Variants in UTP20 observed in about 807,000 individuals in gnomAD.
UTP20 encodes the protein UTP20 small subunit processome component.
Under a neutral mutation model 329.5 loss-of-function variants are expected in UTP20, and 164 were observed. The observed-to-expected ratio is 0.50, with a 90% CI of 0.44 to 0.57. UTP20 has a LOEUF of 0.57. Ranked by LOEUF, UTP20 falls within the 20% of genes least tolerant of loss-of-function variation. The pLI, the probability that UTP20 is intolerant of heterozygous loss-of-function variation, is 0.00. For synonymous variants in UTP20, 1,151 were observed against 1,159.3 expected, an observed-to-expected ratio of 0.99 and a Z score of 0.14; for missense variants, 3,055 against 3,284.2, an observed-to-expected ratio of 0.93 and a Z score of 1.71.
In UTP20 at chr12:101,321,353, A is replaced by AT. The variant is rs993022381; in HGVS notation, c.2916-144dup. On this transcript the variant is annotated intron_variant, in intron 24 of 61. Coordinates refer to ENST00000261637, the MANE Select transcript of UTP20 (RefSeq NM_014503.3). The stretch of plus-strand genomic sequence containing the variant: ...ATGTACAAATCTGTCATTTTAGGAG[A>AT]TTTTTTTGAGGATTTTCCTTTATGG... 3.3e-4 allele frequency: 365 copies of AT among 1,122,672 alleles called. 1 individual carries two copies. Among genetic ancestry groups the AT allele is most frequent in the Middle Eastern group, 1.3e-3 (4 of 3,198 alleles). 69.5% of individuals were successfully genotyped at this position (1,122,672 alleles called of 1,614,324 possible). A position where few individuals can be genotyped will look rare whatever the true frequency, so the allele number is the denominator to read the frequency against.
rs551073388 is a variant in UTP20 at position 101,381,929 on chromosome 12, G to A, written c.7656+718G>A. Among the ~76,000 whole-genome samples the A allele has an allele frequency of 1.5e-4, 22 of 147,146 alleles. 1 individual carries two copies. The South Asian group carries it at 4.5e-3, about 30-fold the overall frequency. The stretch of plus-strand genomic sequence containing the variant: ...AGCTACACAGGAGGCTGAGGCAAGA[G>A]ACTCACTTGAACTGGGGAGGCAGAG... On this transcript the variant is annotated intron_variant, in intron 58 of 61. Transcript: ENST00000261637.
intron 30 of UTP20, 41 bp from the exon 31 acceptor site, chr12:101,338,772 G>A (rs763770311): frequency 1.3e-6 from 2 of 1,533,248 alleles, no homozygotes; most frequent in Non-Finnish European, 1.7e-6. Context: ...TATGCCTTAA[G>A]AGAGTTTATT....
Position 101,309,799 on chromosome 12 carries a change from A to T in UTP20, c.2191A>T (p.Asn731Tyr). 2.5e-6 allele frequency: 4 copies of T among 1,613,720 alleles called. No homozygotes were observed. The highest frequency in any genetic ancestry group is 3.4e-6 in the Non-Finnish European group (4 of 1,179,976). ...TTATTTGTTAGGCATGCTATATATT[A>T]ATTTCAGTGCACTCTGGGATCCTGT... is the stretch of plus-strand genomic sequence containing the variant. ...LRYLLGMLYI[N>Y]FSALWDPVIE... Residue 731 changes from asparagine to tyrosine, a missense_variant, in exon 19 of 62, where the codon AAT becomes TAT. Asn to Tyr is a moderately radical substitution (Grantham distance 143). Transcript: ENST00000261637.
intron 21 of UTP20, among the ~76,000 whole-genome samples, chr12:101,315,243 T>A (rs1872936231): frequency 6.6e-6 from 1 of 152,084 alleles, no homozygotes; most frequent in Non-Finnish European, 1.5e-5. Flanking sequence ...CCCAGCACTT[T>A]GGGGGGCCGA....
At position 101,302,466 on chromosome 12, in the gene UTP20, G is replaced by A. The variant is rs1198430173; in HGVS notation, c.1694G>A (p.Cys565Tyr). ...SFGKGNLFVL[C>Y]QAVNTLLSLE... The stretch of plus-strand genomic sequence containing the variant: ...CCCTTAGGAAACTTATTTGTTCTTT[G>A]TCAAGCTGTAAATACTCTACTAAGT... Residue 565 changes from cysteine to tyrosine, a missense_variant, in exon 15 of 62, where the codon TGT (cysteine) becomes TAT (tyrosine). By Grantham distance (194) the Cys-to-Tyr change is radical. Transcript: ENST00000261637. The A allele has an allele frequency of 5.6e-6, 9 of 1,606,286 alleles. No individual in the cohort carries two copies. The highest frequency in any genetic ancestry group is 7.6e-6 in the Non-Finnish European group (9 of 1,177,646).
chr12:101,342,796 G>C lies in UTP20; in HGVS notation c.4255G>C (p.Asp1419His), dbSNP rs746040572. Reference protein sequence around the residue: ...LLCTVFETLSDFESGLKYITD... With the variant: ...LLCTVFETLSHFESGLKYITD... ...TTTTCTTTCCTTTCAGACTCTTTCTGATTTTGAGAGTGGGTTAAAATATAT... is the reference window on the plus strand; with the variant it reads ...TTTTCTTTCCTTTCAGACTCTTTCTCATTTTGAGAGTGGGTTAAAATATAT... Residue 1419 changes from aspartate (D) to histidine (H), a missense_variant, in exon 34 of 62, where the codon GAT becomes CAT. Physicochemically the swap from Asp to His is moderately conservative, Grantham distance 81. Transcript: ENST00000261637. The C allele has an allele frequency of 9.9e-6, 16 of 1,613,150 alleles. No homozygotes were observed. Among genetic ancestry groups the C allele is most frequent in the Non-Finnish European group, 1.4e-5 (16 of 1,179,606 alleles).
At chr12:101,286,791 A>C (rs984581880) in intron 5 of UTP20, among the ~76,000 whole-genome samples, 8 of 151,374 alleles carry the variant, frequency 5.3e-5, no homozygotes, top group Non-Finnish European at 1.2e-4. Flanking sequence ...AAAATTTTGT[A>C]CTCTCTATCC....
chr12:101,321,653 AT>A (rs773971441), intron 25 of UTP20, 24 bp downstream of exon 25: 2 of 1,606,438 alleles, frequency 1.2e-6, no homozygotes. Flanking sequence ...TCAAACACTG[AT>A]TTTTAAAAAG....
chr12:101,365,439 C>T lies in UTP20; in HGVS notation c.5959-20C>T. On this transcript the variant is annotated intron_variant, in intron 45 of 61. Transcript: ENST00000261637. ...GCATTTCTGTGTCATCTCAGCATGA[C>T]ATTTATGTTTTGCCTTTAGATCTTA... 1 of 1,579,462 alleles carries T rather than the reference C, an allele frequency of 6.3e-7. No individual in the cohort carries two copies. The highest frequency in any genetic ancestry group is 8.6e-7 in the Non-Finnish European group (1 of 1,164,870).
At chr12:101,282,081 G>A (rs1030149816) in intron 2 of UTP20, among the ~76,000 whole-genome samples, 2 of 152,158 alleles carry the variant, frequency 1.3e-5, no homozygotes, top group Non-Finnish European at 2.9e-5. Flanking sequence ...TACGTAACAT[G>A]CCTATACCTT....
intron 18 of UTP20, 81 bp downstream of exon 18, chr12:101,308,424 AAATAATAATAAT>A (rs199761274): frequency 3.0e-6 from 2 of 659,458 alleles, no homozygotes; most frequent in African/African-American, 4.2e-5. Flanking sequence ...GTAGTCACCA[AAATAATAATAAT>A]AATAATAATA....
intron 15 of UTP20, 82 bp from the exon 16 acceptor site, chr12:101,305,833 A>C: frequency 7.4e-7 from 1 of 1,350,092 alleles, no homozygotes; most frequent in Non-Finnish European, 9.6e-7. Context: ...TTCATCAGTG[A>C]TCATTTTCTG....
At chr12:101,305,727 C>G (rs1424808683) in intron 15 of UTP20, among the ~76,000 whole-genome samples, 188 bp from the exon 16 acceptor site, 6 of 151,788 alleles carry the variant, frequency 4.0e-5, no homozygotes, top group Non-Finnish European at 8.8e-5. Context: ...TGTGTCCTTG[C>G]ATATGTCACT....
rs17031225 is a variant in UTP20, at chr12:101,285,519, T to C, written c.127-51T>C. 7.0e-3 allele frequency: 10,843 copies of C among 1,548,064 alleles called. 666 individuals carry two copies. In the African/African-American group the frequency reaches 0.13, roughly 18 times the overall value. On this transcript the variant is annotated intron_variant, in intron 2 of 61. Transcript: ENST00000261637. ...TATATCATTATTCTATTTACCTTGA[T>C]CATTGCTTTCTTAGAGTTATTTGAT...
chr12:101,344,672 CA>C lies in UTP20; in HGVS notation c.4528del (p.Thr1510GlnfsTer17). On this transcript the variant is annotated frameshift_variant, in exon 36 of 62. Transcript: ENST00000261637. LOFTEE classifies it high-confidence loss of function. ...TCAAAAAGCTAGCTGCCTTGAATGT[CA>C]CAGAGAAAGACTATAGAGAAATCAT... ...IIKKLAALNV[T>X]EKDYREIIHR... The C allele has an allele frequency of 1.2e-6, 2 of 1,602,438 alleles. No homozygotes were observed. Among genetic ancestry groups the C allele is most frequent in the Non-Finnish European group, 1.7e-6 (2 of 1,169,384 alleles).
In UTP20 at chr12:101,290,822, C is replaced by T. The variant is rs778747721; in HGVS notation, c.825C>T (p.Asn275=). 5 of 1,613,914 alleles carry T rather than the reference C, an allele frequency of 3.1e-6. No homozygotes were observed. In the South Asian group the frequency reaches 5.5e-5, roughly 18 times the overall value. ...TGTTAATTGGAGAAACACTCAAAAA[C>T]ATGGTCAAATCCACTGTATCCTACA... ...PWMLIGETLK[N]MVKSTVSYIS... Residue 275 remains asparagine (N), a synonymous_variant, in exon 8 of 62, where the codon AAC becomes AAT. Coordinates refer to ENST00000261637, the MANE Select transcript of UTP20 (RefSeq NM_014503.3).
intron 11 of UTP20, among the ~76,000 whole-genome samples, chr12:101,294,375 T>C (rs747281075): frequency 2.0e-5 from 3 of 152,188 alleles, no homozygotes; most frequent in Non-Finnish European, 4.4e-5. Flanking sequence ...TTGGTTCTCA[T>C]GTGTAGACTT....
Position 101,369,740 on chromosome 12 carries a change from A to G in UTP20, c.6404A>G (p.Gln2135Arg), listed in dbSNP as rs145553624. The change falls in exon 49 of 62, where the codon CAG becomes CGG. Residue 2135 changes from glutamine to arginine, a missense_variant. Physicochemically the swap from Gln to Arg is conservative, Grantham distance 43 (BLOSUM62 1). Transcript: ENST00000261637. Reference sequence around the variant, plus strand: ...TTTCAGGTGATCACAGGTGCTTTACAGTGCCTCATCTGGGTCTTGAGGTTC... The same window carrying G: ...TTTCAGGTGATCACAGGTGCTTTACGGTGCCTCATCTGGGTCTTGAGGTTC... Reference protein sequence around the residue: ...MDVKVITGALQCLIWVLRFPL... With the variant: ...MDVKVITGALRCLIWVLRFPL... 1.9e-6 allele frequency: 3 copies of G among 1,584,124 alleles called. No homozygotes were observed. The highest frequency in any genetic ancestry group is 2.6e-6 in the Non-Finnish European group (3 of 1,152,916).
chr12:101,283,933 A>G (rs914154604), intron 2 of UTP20, among the ~76,000 whole-genome samples: 3 of 151,100 alleles, frequency 2.0e-5, no homozygotes, highest in Non-Finnish European at 2.9e-5. Context: ...CATAGTATCT[A>G]TTCTGCCTAA....
Sources: gnomAD v4.1 joint callset for allele counts (sites outside exome capture counted in the v4.1 genomes callset) on GRCh38, gnomAD v4.1.1 for gene constraint, MANE v1.5 for transcripts, NCBI Gene and HGNC (gene_info 2026-07-23, HGNC 2026-07-21) for gene names.